POGLUT2: variants seen among roughly 807,000 people sequenced by gnomAD.
The protein encoded by POGLUT2 is protein O-glucosyltransferase 2, also known as ER protein 58.
In POGLUT2, 47 loss-of-function variants were observed where a neutral mutation model predicts 57.6. The ratio of observed to expected loss-of-function variants is 0.82; its 90% CI spans 0.65 to 1.04. The LOEUF (loss-of-function observed/expected upper bound fraction) is 1.04, where lower values mean the gene tolerates loss of function less well. Among genes scored for constraint, POGLUT2 ranks in the 50% least tolerant of loss-of-function variants. The pLI, the probability that POGLUT2 is intolerant of heterozygous loss-of-function variation, is 0.00. For missense variants in POGLUT2, 565 were observed against 614.8 expected (o/e 0.92, Z 0.86); for synonymous variants, 200 against 218.8 (o/e 0.91, Z 0.76).
Position 102,791,273 on chromosome 13 carries a change from A to C in POGLUT2, c.830T>G (p.Leu277Arg). Residue 277 changes from leucine (L) to arginine (R), a missense_variant, in exon 5 of 10, where the codon CTG becomes CGG. Transcript: ENST00000376004. ...MPTYDLTDSV[L>R]ETMGRVSLDM... is the part of the protein sequence containing the mutation. ...TATCTCTCACCGGCCCATGGTTTCC[A>C]GAACAGAATCAGTCAAATCGTACGT... 1.2e-6 allele frequency: 2 copies of C among 1,603,556 alleles called. No homozygotes were observed. Among genetic ancestry groups the C allele is most frequent in the Non-Finnish European group, 1.7e-6 (2 of 1,176,704 alleles).
intron 9 of POGLUT2, 33 bp from the exon 10 acceptor site, chr13:102,784,545 CAAG>C: frequency 7.1e-7 from 1 of 1,409,014 alleles, no homozygotes; most frequent in African/African-American, 1.4e-5. Flanking sequence ...TTAGAGCTAT[CAAG>C]AAGTCTTACA....
intron 8 of POGLUT2, among the ~76,000 whole-genome samples, chr13:102,787,520 G>C (rs1193082128): frequency 6.6e-6 from 1 of 152,214 alleles, no homozygotes; most frequent in Non-Finnish European, 1.5e-5. Context: ...TAAGGCAGCA[G>C]CAATGTAACA....
chr13:102,788,963 T>C lies in POGLUT2; in HGVS notation c.1293+49A>G, dbSNP rs1447897222. 2.1e-6 allele frequency: 3 copies of C among 1,436,592 alleles called. No homozygotes were observed. In the East Asian group the frequency reaches 6.8e-5, roughly 33 times the overall value. 89.0% of individuals were successfully genotyped at this position (1,436,592 alleles called of 1,614,324 possible). On this transcript the variant is annotated intron_variant, in intron 7 of 9. Coordinates refer to ENST00000376004, the MANE Select transcript of POGLUT2 (RefSeq NM_024089.3). ...GTACAATACATTTCAAAAGGACCCA[T>C]GATATTGGGAAACAAGTGGAAATAA... is the stretch of plus-strand genomic sequence containing the variant.
rs762247243 is a variant in POGLUT2, at chr13:102,793,772, CAG to C, written c.421_422del (p.Leu141AlafsTer3). On this transcript the variant is annotated frameshift_variant, in exon 3 of 10. Transcript: ENST00000376004. LOFTEE classifies it high-confidence loss of function. ...CCCGTAGCCAGGCTGCACTATCTTGCAGAGGACAGTCACAGTTCTCATGGTAA... is the reference window on the plus strand; with the variant it reads ...CCCGTAGCCAGGCTGCACTATCTTGCAGGACAGTCACAGTTCTCATGGTAA... ...PVYHENCDCPLQDSAAWLREM... is the reference protein window; with the variant it reads ...PVYHENCDCPXQDSAAWLREM... 2 of 1,614,068 alleles carry C rather than the reference CAG, an allele frequency of 1.2e-6. No homozygotes were observed. Among genetic ancestry groups the C allele is most frequent in the East Asian group, 4.5e-5 (2 of 44,898 alleles).
rs1476838359 is a variant in POGLUT2 at position 102,786,347 on chromosome 13, A to C, written c.1384-8T>G. ...TTGTAAATTGGCATATTCCTGTTTAAGCAACAATATAAAAGCATTCCTTAT... is the reference window on the plus strand; with the variant it reads ...TTGTAAATTGGCATATTCCTGTTTACGCAACAATATAAAAGCATTCCTTAT... On this transcript the variant is annotated splice_region_variant and splice_polypyrimidine_tract_variant and intron_variant, in intron 8 of 9. Coordinates refer to ENST00000376004, the MANE Select transcript of POGLUT2 (RefSeq NM_024089.3). The C allele has an allele frequency of 6.4e-7, 1 of 1,563,362 alleles. No homozygotes were observed. The highest frequency in any genetic ancestry group is 1.1e-5 in the South Asian group (1 of 90,004).
intron 4 of POGLUT2, among the ~76,000 whole-genome samples, chr13:102,791,668 G>T (rs1052768162): frequency 6.6e-6 from 1 of 152,072 alleles, no homozygotes; most frequent in South Asian, 2.1e-4. Context: ...CTAATACTGC[G>T]AACAGCCTCT....
intron 9 of POGLUT2, 92 bp from the exon 10 acceptor site, chr13:102,784,604 G>C (rs1877860603): frequency 1.3e-6 from 1 of 796,906 alleles, no homozygotes; most frequent in African/African-American, 1.7e-5. Flanking sequence ...CTGTAAAGAT[G>C]AGAGGGAGCC....
Position 102,791,401 on chromosome 13 carries a change from A to G in POGLUT2, c.702T>C (p.Val234=). The G allele has an allele frequency of 6.2e-7, 1 of 1,600,540 alleles. No homozygotes were observed. Among genetic ancestry groups the G allele is most frequent in the Non-Finnish European group, 8.5e-7 (1 of 1,176,670 alleles). Residue 234 remains valine, a synonymous_variant, in exon 5 of 10, where the codon GTT becomes GTC. Coordinates refer to ENST00000376004, the MANE Select transcript of POGLUT2 (RefSeq NM_024089.3). ...KVKMPDVELF[V]NLGDWPLEKK... ...TTTCCAAAGGCCAGTCTCCCAAATTAACAAAGAGCTCCACATCTGGCATCT... is the reference window on the plus strand; with the variant it reads ...TTTCCAAAGGCCAGTCTCCCAAATTGACAAAGAGCTCCACATCTGGCATCT...
rs143618308 is a variant in POGLUT2, at chr13:102,793,933, A to G, written c.389-127T>C. On this transcript the variant is annotated intron_variant, in intron 2 of 9. Coordinates refer to ENST00000376004, the MANE Select transcript of POGLUT2 (RefSeq NM_024089.3). ...TACATAGGAAGAGCATTTTCATTGA[A>G]AACACATTTTAAGAGAATTACAGGC... 695 of 801,742 alleles carry G rather than the reference A, an allele frequency of 8.7e-4. 2 individuals are homozygous for G. In the African/African-American group the frequency reaches 0.01, roughly 12 times the overall value. The allele number at this position is 801,742 out of a possible 1,614,324, so 49.7% of individuals were successfully genotyped here. A position where few individuals can be genotyped will look rare whatever the true frequency, so the allele number is the denominator to read the frequency against.
intron 6 of POGLUT2, among the ~76,000 whole-genome samples, chr13:102,789,805 C>T (rs964173750): frequency 3.3e-5 from 5 of 152,172 alleles, no homozygotes; most frequent in African/African-American, 1.2e-4. Context: ...ACCATGTTGG[C>T]CAGGCTGGTC....
In POGLUT2 at chr13:102,793,435, C is replaced by T. The variant is rs1878259975; in HGVS notation, c.595-17G>A. On this transcript the variant is annotated splice_polypyrimidine_tract_variant and intron_variant, in intron 3 of 9. Transcript: ENST00000376004. ...GATATAAACCTAAAAGAGAATTTAC[C>T]ATTTATTATGTTAGTCTAAAGACGC... 6.6e-7 allele frequency: 1 copy of T among 1,522,228 alleles called. No individual in the cohort carries two copies. The allele number at this position is 1,522,228 out of a possible 1,614,324, so 94.3% of individuals were successfully genotyped here.
intron 9 of POGLUT2, among the ~76,000 whole-genome samples, chr13:102,785,574 A>T (rs1308422032): frequency 6.6e-6 from 1 of 152,228 alleles, no homozygotes; most frequent in Non-Finnish European, 1.5e-5. Context: ...ATAGCTTTAT[A>T]TACAAGCACA....
chr13:102,796,761 T>A (rs779501331), intron 2 of POGLUT2, 43 bp downstream of exon 2: 12 of 997,938 alleles, frequency 1.2e-5, no homozygotes, highest in Non-Finnish European at 1.7e-5. Context: ...ACATATATTA[T>A]TTTATTCAAA....
At chr13:102,790,409 C>G (rs996539204) in intron 6 of POGLUT2, among the ~76,000 whole-genome samples, 2 of 152,130 alleles carry the variant, frequency 1.3e-5, no homozygotes, top group Non-Finnish European at 2.9e-5. Context: ...AAGGACTACT[C>G]CCCAGGAACC....
intron 2 of POGLUT2, among the ~76,000 whole-genome samples, chr13:102,796,572 A>C (rs78504300): frequency 0.16 from 24,272 of 150,376 alleles, 2,555 homozygotes; most frequent in Non-Finnish European, 0.23. Flanking sequence ...CTCTACTAAT[A>C]TGTTCCTTGC....
At position 102,787,870 on chromosome 13, in the gene POGLUT2, G is replaced by T. The variant is rs377423123; in HGVS notation, c.1347C>A (p.Gly449=). 1 of 1,593,712 alleles carries T rather than the reference G, an allele frequency of 6.3e-7. No individual in the cohort carries two copies. The highest frequency in any genetic ancestry group is 1.7e-5 in the Admixed American group (1 of 58,640). Reference sequence around the variant, plus strand: ...TGAAATAATAACAGAATATGTCATCGCCCATGAGATTATTTCTTGCAAATT... The same window carrying T: ...TGAAATAATAACAGAATATGTCATCTCCCATGAGATTATTTCTTGCAAATT... ...GQEFARNNLM[G]DDIFCYYFKL... is the part of the protein sequence containing the mutation. The change falls in exon 8 of 10, where the codon GGC becomes GGA. Residue 449 remains glycine (G), a synonymous_variant. Coordinates refer to ENST00000376004, the MANE Select transcript of POGLUT2 (RefSeq NM_024089.3).
At position 102,789,201 on chromosome 13, in the gene POGLUT2, G is replaced by A. The variant is rs1878073880; in HGVS notation, c.1104C>T (p.Ile368=). The A allele has an allele frequency of 5.6e-6, 9 of 1,613,838 alleles. No homozygotes were observed. Among genetic ancestry groups the A allele is most frequent in the South Asian group, 1.1e-5 (1 of 91,080 alleles). ...DFFKHKYQIN[I]DGTVAAYRLP... ...GGCGATAAGCTGCTACAGTGCCATC[G>A]ATATTTATTTGATACTTATGCTGCA... The change falls in exon 7 of 10, where the codon ATC becomes ATT. Residue 368 remains isoleucine (I), a synonymous_variant. Transcript: ENST00000376004.
chr13:102,792,947 T>C (rs1330828072), intron 4 of POGLUT2, among the ~76,000 whole-genome samples: 1 of 152,158 alleles, frequency 6.6e-6, no homozygotes, highest in East Asian at 1.9e-4. Flanking sequence ...GGCTAATTTT[T>C]GTATTTTTTG....
intron 2 of POGLUT2, among the ~76,000 whole-genome samples, chr13:102,794,672 T>C (rs567817080): frequency 1.3e-4 from 20 of 151,960 alleles, no homozygotes; most frequent in Non-Finnish European, 2.6e-4. Flanking sequence ...TTTCAAAAAA[T>C]AAAAGAAAGA....
Sources: gnomAD v4.1 joint callset for allele counts (sites outside exome capture counted in the v4.1 genomes callset) on GRCh38, gnomAD v4.1.1 for gene constraint, MANE v1.5 for transcripts, NCBI Gene and HGNC (gene_info 2026-07-23, HGNC 2026-07-21) for gene names.